The following CRADD variants were observed in gnomAD, a reference collection of about 807,000 sequenced individuals.
The protein encoded by CRADD is CARD and death domain containing adaptor protein.
Under a neutral mutation model 15.5 loss-of-function variants are expected in CRADD, and 9 were observed. That is an observed-to-expected ratio of 0.58 (90% CI 0.35 to 1.01). CRADD has a LOEUF of 1.01. CRADD is among the 50% of genes least tolerant of loss of function. The pLI is 0.02. For synonymous variants in CRADD, 118 were observed against 107.6 expected, an observed-to-expected ratio of 1.10 and a Z score of -0.60; for missense variants, 227 against 250.3, an observed-to-expected ratio of 0.91 and a Z score of 0.63.
Position 93,850,406 on chromosome 12 carries a change from A to C in CRADD, c.*135A>C. On this transcript the variant is annotated 3_prime_UTR_variant, in exon 3 of 3. Transcript: ENST00000332896. This position sits in a 1 kb window ranked among gnomAD's most constrained non-coding sequence, Gnocchi z 4.0. The stretch of plus-strand genomic sequence containing the variant: ...TGATCTTCAGATGGAAGGAGAAAAC[A>C]GGGTTTCCACTAGACATTACTTGAA... 2.2e-5 allele frequency: 31 copies of C among 1,395,218 alleles called. No individual in the cohort carries two copies. The highest frequency in any genetic ancestry group is 2.9e-5 in the Non-Finnish European group (31 of 1,081,954). The allele number at this position is 1,395,218 out of a possible 1,614,324, so 86.4% of individuals were successfully genotyped here.
chr12:93,855,087 C>A (rs184387189), downstream of CRADD, among the ~76,000 whole-genome samples: 1 of 151,616 alleles, frequency 6.6e-6, no homozygotes, highest in African/African-American at 2.4e-5. Context: ...TTCAGCTACT[C>A]GGGAGGCTGA....
At chr12:93,720,185 C>T (rs1956233576) in intron 2 of CRADD, among the ~76,000 whole-genome samples, 1 of 152,042 alleles carries the variant, frequency 6.6e-6, no homozygotes, top group Non-Finnish European at 1.5e-5. Context: ...TCTCTTACCC[C>T]TATGTTACTT....
At chr12:93,789,734 G>A (rs1027669706) in intron 2 of CRADD, among the ~76,000 whole-genome samples, 2 of 152,132 alleles carry the variant, frequency 1.3e-5, no homozygotes, top group Non-Finnish European at 2.9e-5. Context: ...CTTTAAATAT[G>A]TGCAGTTTCC....
At chr12:93,787,595 CA>C (rs768680171) in intron 2 of CRADD, among the ~76,000 whole-genome samples, 5 of 151,932 alleles carry the variant, frequency 3.3e-5, no homozygotes, top group Non-Finnish European at 7.4e-5. Context: ...GAAAATGAAA[CA>C]AATAAGATCC....
intron 2 of CRADD, among the ~76,000 whole-genome samples, chr12:93,712,120 T>C (rs1956085053): frequency 6.6e-6 from 1 of 152,148 alleles, no homozygotes; most frequent in Non-Finnish European, 1.5e-5. Context: ...TGTTTTTTTC[T>C]AGCACTGACT....
At position 93,802,089 on chromosome 12, in the gene CRADD, G is replaced by A. The variant is rs373644926; in HGVS notation, c.299-47881G>A. On this transcript the variant is annotated intron_variant, in intron 2 of 2. Coordinates refer to ENST00000332896, the MANE Select transcript of CRADD (RefSeq NM_003805.5). Reference sequence around the variant, plus strand: ...TACACCGTGTTTTCTTTATCCATTCGTTGGTTGATGGCCACTTAGGCTGGT... The same window carrying A: ...TACACCGTGTTTTCTTTATCCATTCATTGGTTGATGGCCACTTAGGCTGGT... 1.1e-4 allele frequency among the ~76,000 whole-genome samples: 17 copies of A among 152,238 alleles called. 1 individual carries two copies. The highest frequency in any genetic ancestry group is 7.7e-4 in the East Asian group (4 of 5,190).
chr12:93,749,083 A>G (rs908792825), intron 2 of CRADD, among the ~76,000 whole-genome samples: 1 of 152,224 alleles, frequency 6.6e-6, no homozygotes, highest in Non-Finnish European at 1.5e-5. Flanking sequence ...TTAATGACCT[A>G]GACAAGATCC....
At chr12:93,829,763 G>A (rs1169187308) in intron 2 of CRADD, among the ~76,000 whole-genome samples, 1 of 152,052 alleles carries the variant, frequency 6.6e-6, no homozygotes, top group Non-Finnish European at 1.5e-5. Context: ...CATGATCTTG[G>A]CTCACTGCAA....
intron 2 of CRADD, among the ~76,000 whole-genome samples, chr12:93,856,506 T>A (rs1175086662): frequency 1.3e-5 from 2 of 152,196 alleles, no homozygotes; most frequent in Non-Finnish European, 1.5e-5. Flanking sequence ...GAGGAGGTAA[T>A]ACTTCAACTG....
At chr12:93,840,634 T>A (rs1251826811) in intron 2 of CRADD, among the ~76,000 whole-genome samples, 1 of 152,016 alleles carries the variant, frequency 6.6e-6, no homozygotes, top group Non-Finnish European at 1.5e-5. Context: ...TGGCTCAATC[T>A]CGGCTCACCA....
At chr12:93,718,836 T>C (rs1956210024) in intron 2 of CRADD, among the ~76,000 whole-genome samples, 1 of 152,034 alleles carries the variant, frequency 6.6e-6, no homozygotes, top group Non-Finnish European at 1.5e-5. Context: ...CATGGCTCAC[T>C]GCAGCCTTGA....
chr12:93,783,978 G>C (rs1216681612), intron 2 of CRADD, among the ~76,000 whole-genome samples: 3 of 152,170 alleles, frequency 2.0e-5, no homozygotes, highest in Non-Finnish European at 4.4e-5. Context: ...ATCAGTCAGG[G>C]AAGAGAGTGA....
intron 2 of CRADD, among the ~76,000 whole-genome samples, chr12:93,722,694 A>G (rs61928993): frequency 0.038 from 5,703 of 151,498 alleles, 168 homozygotes; most frequent in South Asian, 0.066. Context: ...TAAGATTTCT[A>G]TTTCTTTGGT....
At chr12:93,784,939 G>A (rs933728146) in intron 2 of CRADD, among the ~76,000 whole-genome samples, 4 of 152,282 alleles carry the variant, frequency 2.6e-5, no homozygotes, top group Middle Eastern at 3.4e-3. Context: ...AAAGTACAGA[G>A]CCTGCTTACT....
chr12:93,890,334 T>C (rs1297420329), intron 2 of CRADD, among the ~76,000 whole-genome samples: 1 of 152,238 alleles, frequency 6.6e-6, no homozygotes, highest in Admixed American at 6.5e-5. Context: ...ATGGGAATTA[T>C]TGTTATCAAT....
intron 2 of CRADD, among the ~76,000 whole-genome samples, chr12:93,767,219 G>A (rs1552351): frequency 0.51 from 76,909 of 152,106 alleles, 19,990 homozygotes; most frequent in East Asian, 0.8. Context: ...TGATTTGTTC[G>A]TATCCTCCTC....
intron 2 of CRADD, among the ~76,000 whole-genome samples, chr12:93,725,786 A>G (rs1956353170): frequency 6.6e-6 from 1 of 152,188 alleles, no homozygotes; most frequent in Non-Finnish European, 1.5e-5. Flanking sequence ...ATAGGAAAGT[A>G]GGTGTGTATA....
chr12:93,750,853 A>ATT (rs1956820877), intron 2 of CRADD, among the ~76,000 whole-genome samples: 1 of 152,230 alleles, frequency 6.6e-6, no homozygotes, highest in African/African-American at 2.4e-5. Flanking sequence ...AGATGTCACA[A>ATT]TAAGGGAAAT....
intron 2 of CRADD, among the ~76,000 whole-genome samples, chr12:93,764,329 G>A (rs750061328): frequency 1.3e-4 from 20 of 152,034 alleles, no homozygotes; most frequent in Non-Finnish European, 2.5e-4. Flanking sequence ...GTTGCTGGAG[G>A]GAAGGGGGAG....
Sources: allele counts gnomAD v4.1 joint callset (sites outside exome capture counted in the v4.1 genomes callset), GRCh38; gene constraint gnomAD v4.1.1; non-coding constraint Gnocchi (gnomAD v3.1); transcripts MANE v1.5; gene names NCBI Gene and HGNC (gene_info 2026-07-23, HGNC 2026-07-21).